Variants in TGFBR2 observed in about 807,000 individuals in gnomAD.
The protein encoded by TGFBR2 is transforming growth factor beta receptor 2.
Under a neutral mutation model 49.0 loss-of-function variants are expected in TGFBR2, and 18 were observed. The observed-to-expected ratio is 0.37, with a 90% CI of 0.25 to 0.54. TGFBR2 has a LOEUF of 0.54. Ranked by LOEUF, TGFBR2 falls within the 20% of genes least tolerant of loss-of-function variation. The probability of loss-of-function intolerance (pLI) is 0.85; values close to 1 mark genes in which losing one functional copy is unlikely to be tolerated. For missense variants in TGFBR2, 525 were observed against 722.6 expected (o/e 0.73, Z 3.13); for synonymous variants, 282 against 275.9 (o/e 1.02, Z -0.22).
chr3:30,677,497 C>G (rs1281409667), intron 5 of TGFBR2, among the ~76,000 whole-genome samples: 1 of 152,202 alleles, frequency 6.6e-6, no homozygotes, highest in African/African-American at 2.4e-5. Flanking sequence ...CGTCCTGACA[C>G]AAAGCCGTTC....
intron 1 of TGFBR2, among the ~76,000 whole-genome samples, chr3:30,641,658 C>T (rs1015644313): frequency 2.0e-5 from 3 of 152,156 alleles, no homozygotes; most frequent in Non-Finnish European, 4.4e-5. Context: ...GGGTGCTCAG[C>T]ATGTGCAAAT....
rs2125451595 is a variant in TGFBR2, at chr3:30,688,388, A to G, written c.1401A>G (p.Val467=). Residue 467 remains valine, a synonymous_variant, in exon 6 of 7, where the codon GTA becomes GTG. Transcript: ENST00000295754. ...GTTTGCTGGCTTTCTTCACAGAAGT[A>G]AAAGATTATGAGCCTCCATTTGGTT... The part of the protein sequence containing the change: ...MTSRCNAVGE[V]KDYEPPFGSK... The G allele has an allele frequency of 1.2e-6, 2 of 1,614,206 alleles. No individual in the cohort carries two copies. Among genetic ancestry groups the G allele is most frequent in the Middle Eastern group, 1.7e-4 (1 of 6,060 alleles).
intron 5 of TGFBR2, among the ~76,000 whole-genome samples, chr3:30,677,376 C>T (rs1025501830): frequency 7.2e-5 from 11 of 152,134 alleles, no homozygotes; most frequent in African/African-American, 2.2e-4. Flanking sequence ...CCTGGGGAAC[C>T]GGAAAGAGGC....
rs2125439408 is a variant in TGFBR2, at chr3:30,674,236, T to G, written c.1386T>G (p.Asn462Lys). The change falls in exon 5 of 7, where the codon AAT becomes AAG. Residue 462 changes from asparagine (N) to lysine (K), a missense_variant. This residue lies in a region of TGFBR2 where 45 missense variants were observed against 111.0 expected (regional missense o/e 0.41). Transcript: ENST00000295754. ...LVLWEMTSRC[N>K]AVGEVKDYEP... ...TCTGGGAAATGACATCTCGCTGTAA[T>G]GCAGTGGGAGGTAGGTGTGGACCAG... is the stretch of plus-strand genomic sequence containing the variant. The G allele has an allele frequency of 1.2e-6, 2 of 1,614,178 alleles. No individual in the cohort carries two copies. Among genetic ancestry groups the G allele is most frequent in the Non-Finnish European group, 1.7e-6 (2 of 1,180,004 alleles).
At chr3:30,685,377 G>T (rs576659309) in intron 5 of TGFBR2, among the ~76,000 whole-genome samples, 1 of 152,312 alleles carries the variant, frequency 6.6e-6, no homozygotes, top group Non-Finnish European at 1.5e-5. Context: ...TGAGACAAAG[G>T]CCTAGGGAGA....
At chr3:30,669,160 A>G (rs1699296348) in intron 3 of TGFBR2, among the ~76,000 whole-genome samples, 2 of 147,848 alleles carry the variant, frequency 1.4e-5, no homozygotes, top group African/African-American at 2.5e-5. Flanking sequence ...AAAGCTGGGC[A>G]TAGAGGCTAA....
At chr3:30,637,257 G>C (rs1698554193) in intron 1 of TGFBR2, among the ~76,000 whole-genome samples, 1 of 152,096 alleles carries the variant, frequency 6.6e-6, no homozygotes, top group African/African-American at 2.4e-5. Flanking sequence ...CCATAGTGCA[G>C]ATACTTAGGA....
chr3:30,659,586 A>G (rs1013209901), intron 3 of TGFBR2, among the ~76,000 whole-genome samples: 2 of 151,564 alleles, frequency 1.3e-5, no homozygotes, highest in Admixed American at 1.3e-4. Flanking sequence ...CTGAGGCCAG[A>G]TGTGCTTTCT....
chr3:30,684,397 A>G (rs1699589358), intron 5 of TGFBR2, among the ~76,000 whole-genome samples: 1 of 152,258 alleles, frequency 6.6e-6, no homozygotes, highest in Admixed American at 6.5e-5. Context: ...AATCTATGTT[A>G]CATAAATAGG....
intron 1 of TGFBR2, 123 bp from the exon 2 acceptor site, chr3:30,644,624 C>T (rs1383931982): frequency 3.3e-6 from 3 of 905,036 alleles, no homozygotes; most frequent in Non-Finnish European, 5.3e-6. Flanking sequence ...AATTATTTTG[C>T]CTTTCTTCAG....
At chr3:30,616,306 C>T (rs767184472) in intron 1 of TGFBR2, among the ~76,000 whole-genome samples, 14 of 152,162 alleles carry the variant, frequency 9.2e-5, no homozygotes, top group Non-Finnish European at 1.9e-4. Context: ...AATATTTTTC[C>T]TCCAGGTTTA....
intron 1 of TGFBR2, among the ~76,000 whole-genome samples, chr3:30,608,222 C>T (rs984302819): frequency 2.0e-5 from 3 of 152,156 alleles, no homozygotes; most frequent in African/African-American, 4.8e-5. Context: ...CAGGCGTGAG[C>T]CACCGCGCCC....
chr3:30,672,590 A>G lies in TGFBR2; in HGVS notation c.1254+153A>G, dbSNP rs1699363615. 6.6e-6 allele frequency among the ~76,000 whole-genome samples: 1 copy of G among 151,966 alleles called. No individual in the cohort carries two copies. Among genetic ancestry groups the G allele is most frequent in the Non-Finnish European group, 1.5e-5 (1 of 67,988 alleles). ...AAAGTATGGAGTCTGCCTTGAGCAT[A>G]CTCTGCTCTGTCCTGCCTGAGCATT... is the stretch of plus-strand genomic sequence containing the variant. On this transcript the variant is annotated intron_variant, in intron 4 of 6. Transcript: ENST00000295754. The surrounding 1 kb of genome is among the most constrained non-coding windows in gnomAD (Gnocchi z 4.5).
At chr3:30,645,299 C>G (rs1046473204) in intron 2 of TGFBR2, among the ~76,000 whole-genome samples, 2 of 152,018 alleles carry the variant, frequency 1.3e-5, no homozygotes, top group African/African-American at 4.8e-5. Flanking sequence ...TCTCTTGAGG[C>G]AATCTCAGGT....
chr3:30,644,678 C>G, intron 1 of TGFBR2, 69 bp from the exon 2 acceptor site: 1 of 1,455,458 alleles, frequency 6.9e-7, no homozygotes, highest in Non-Finnish European at 9.6e-7. Context: ...TGCATAACAT[C>G]TTCAGGAATT....
At chr3:30,652,872 A>G (rs3773626) in intron 3 of TGFBR2, among the ~76,000 whole-genome samples, 3 of 152,114 alleles carry the variant, frequency 2.0e-5, no homozygotes, top group Admixed American at 6.5e-5. Context: ...CATGCATTTT[A>G]TATTTTACTA....
chr3:30,625,280 A>G (rs989690429), intron 1 of TGFBR2, among the ~76,000 whole-genome samples: 1 of 152,208 alleles, frequency 6.6e-6, no homozygotes, highest in East Asian at 1.9e-4. Context: ...ATTAAGTTGC[A>G]GGGATATATT....
intron 2 of TGFBR2, among the ~76,000 whole-genome samples, chr3:30,646,116 A>G (rs754595249): frequency 5.1e-4 from 78 of 152,250 alleles, no homozygotes; most frequent in Non-Finnish European, 7.4e-4. Context: ...ATATAAACCC[A>G]AATATCTCTC....
At chr3:30,675,671 C>T (rs942947337) in intron 5 of TGFBR2, among the ~76,000 whole-genome samples, 12 of 152,194 alleles carry the variant, frequency 7.9e-5, no homozygotes, top group Non-Finnish European at 1.3e-4. Context: ...AGGCGTGAGC[C>T]ACTGCACCCA....
Sources: allele counts gnomAD v4.1 joint callset (sites outside exome capture counted in the v4.1 genomes callset), GRCh38; gene constraint gnomAD v4.1.1; regional missense constraint gnomAD v4.1.1; non-coding constraint Gnocchi (gnomAD v3.1); transcripts MANE v1.5; gene names NCBI Gene and HGNC (gene_info 2026-07-23, HGNC 2026-07-21).